The following PLXDC2 variants were observed in gnomAD, a reference collection of about 807,000 sequenced individuals.
PLXDC2 encodes the protein plexin domain-containing protein 2.
A neutral mutation model predicts 68.9 loss-of-function variants in PLXDC2; 40 were observed. That is an observed-to-expected ratio of 0.58 (90% CI 0.45 to 0.76). The LOEUF (loss-of-function observed/expected upper bound fraction) is 0.76. Ranked by LOEUF, PLXDC2 falls within the 30% of genes least tolerant of loss-of-function variation. The pLI is 0.00. For missense variants in PLXDC2, 644 were observed against 661.9 expected (o/e 0.97, Z 0.30); for synonymous variants, 243 against 234.2 (o/e 1.04, Z -0.34).
chr10:19,822,173 CTATATATGCACTATATAG>C (rs1469050074), intron 1 of PLXDC2, among the ~76,000 whole-genome samples: 4 of 149,482 alleles, frequency 2.7e-5, no homozygotes, highest in Non-Finnish European at 4.4e-5. Flanking sequence ...TGTATATACA[CTATATATGCACTATATAG>C]TATATATGCA....
chr10:20,214,301 G>A (rs556256233), intron 10 of PLXDC2, among the ~76,000 whole-genome samples: 19 of 151,088 alleles, frequency 1.3e-4, no homozygotes, highest in African/African-American at 2.9e-4. Flanking sequence ...TTCTTTTTTA[G>A]TGTATATTTG....
Position 19,981,193 on chromosome 10 carries a change from A to G in PLXDC2, c.113-20582A>G, listed in dbSNP as rs181026497. On this transcript the variant is annotated intron_variant, in intron 1 of 13. Coordinates refer to ENST00000377252, the MANE Select transcript of PLXDC2 (RefSeq NM_032812.9). ...GATAGTTGAATCTTCAAGAATTTCA[A>G]TAGTTGCTCTCTGTTTCTGTGTTTT... Among the ~76,000 whole-genome samples the G allele has an allele frequency of 2.4e-3, 368 of 152,336 alleles. 1 individual carries two copies. The highest frequency in any genetic ancestry group is 8.0e-3 in the African/African-American group (333 of 41,582).
intron 4 of PLXDC2, among the ~76,000 whole-genome samples, chr10:20,107,685 G>A (rs896953312): frequency 3.3e-5 from 5 of 152,084 alleles, no homozygotes; most frequent in African/African-American, 9.7e-5. Context: ...CCTGACATAC[G>A]AATGTCAATG....
rs115462365 is a variant in PLXDC2 at position 19,863,709 on chromosome 10, C to G, written c.112+46518C>G. On this transcript the variant is annotated intron_variant, in intron 1 of 13. Coordinates refer to ENST00000377252, the MANE Select transcript of PLXDC2 (RefSeq NM_032812.9). ...TTGTAGCTTGTTTATTAAAAATTAA[C>G]AAGCATTTTTTTATGTCAGTTCAAA... 5.0e-3 allele frequency among the ~76,000 whole-genome samples: 757 copies of G among 152,036 alleles called. 8 individuals are homozygous for G. Among genetic ancestry groups the G allele is most frequent in the African/African-American group, 0.016 (666 of 41,330 alleles).
Position 20,281,557 on chromosome 10 carries a change from C to T in PLXDC2, c.*1738C>T, listed in dbSNP as rs1836082115. The T allele has an allele frequency of 6.6e-6, 1 of 152,084 alleles. No individual in the cohort carries two copies. The highest frequency in any genetic ancestry group is 1.5e-5 in the Non-Finnish European group (1 of 68,028). 9.4% of individuals were successfully genotyped at this position (152,084 alleles called of 1,614,324 possible). On this transcript the variant is annotated 3_prime_UTR_variant, in exon 14 of 14. Coordinates refer to ENST00000377252, the MANE Select transcript of PLXDC2 (RefSeq NM_032812.9). The stretch of plus-strand genomic sequence containing the variant: ...ATACTTTATCATCACAAGTGTCTGA[C>T]GTGAACGAATGCCATTTTCTATTCC...
intron 1 of PLXDC2, among the ~76,000 whole-genome samples, chr10:19,971,909 C>T (rs1204854741): frequency 6.6e-6 from 1 of 151,996 alleles, no homozygotes; most frequent in Non-Finnish European, 1.5e-5. Context: ...TGTGTAATCT[C>T]GCTGGGGATC....
intron 7 of PLXDC2, among the ~76,000 whole-genome samples, chr10:20,172,305 T>A (rs1230118225): frequency 1.3e-5 from 2 of 148,980 alleles, no homozygotes; most frequent in African/African-American, 5.0e-5. Flanking sequence ...TTCCCATAAG[T>A]CTCAGGAGCA....
intron 6 of PLXDC2, among the ~76,000 whole-genome samples, chr10:20,153,579 C>T (rs79089780): frequency 6.6e-6 from 1 of 152,254 alleles, no homozygotes; most frequent in South Asian, 2.1e-4. Context: ...GTCACATTCA[C>T]ATTTAACAAT....
intron 1 of PLXDC2, among the ~76,000 whole-genome samples, chr10:19,911,245 G>T (rs572818203): frequency 6.6e-6 from 1 of 151,950 alleles, no homozygotes; most frequent in East Asian, 1.9e-4. Context: ...ATCATTGAGC[G>T]TGTTGATCAT....
chr10:20,097,592 T>C (rs1833368108), intron 4 of PLXDC2, among the ~76,000 whole-genome samples: 1 of 152,078 alleles, frequency 6.6e-6, no homozygotes, highest in Non-Finnish European at 1.5e-5. Context: ...AATTTTAAAG[T>C]TGTGATTGAA....
At chr10:20,274,868 C>CAAA (rs58738641) in intron 13 of PLXDC2, among the ~76,000 whole-genome samples, 3 of 109,590 alleles carry the variant, frequency 2.7e-5, no homozygotes, top group African/African-American at 9.6e-5. Context: ...ATCAGAATTT[C>CAAA]AAAAAAAAAA....
At chr10:20,231,625 A>C (rs1835365461) in intron 12 of PLXDC2, among the ~76,000 whole-genome samples, 2 of 150,972 alleles carry the variant, frequency 1.3e-5, no homozygotes, top group East Asian at 1.9e-4. Context: ...CAAATAACAG[A>C]GAATATTAAC....
chr10:20,064,154 A>G (rs1313956311), intron 3 of PLXDC2, among the ~76,000 whole-genome samples: 1 of 149,912 alleles, frequency 6.7e-6, no homozygotes, highest in Non-Finnish European at 1.5e-5. Flanking sequence ...TTCTTAAAGG[A>G]TGAAATCCAA....
chr10:20,190,294 C>T (rs983166691), intron 9 of PLXDC2, among the ~76,000 whole-genome samples: 26 of 151,790 alleles, frequency 1.7e-4, no homozygotes, highest in East Asian at 3.9e-4. Context: ...CTTTAGCTTG[C>T]TTGCACTAAT....
At chr10:19,983,775 C>T (rs963639385) in intron 1 of PLXDC2, among the ~76,000 whole-genome samples, 11 of 152,224 alleles carry the variant, frequency 7.2e-5, no homozygotes, top group East Asian at 1.9e-4. Context: ...CCAGGAGGCT[C>T]GTCCGAAATG....
At chr10:20,236,312 G>T (rs1835431654) in intron 12 of PLXDC2, among the ~76,000 whole-genome samples, 1 of 151,990 alleles carries the variant, frequency 6.6e-6, no homozygotes, top group African/African-American at 2.4e-5. Context: ...AGGAATGGTG[G>T]TGTGTGCATA....
Position 19,827,800 on chromosome 10 carries a change from C to T in PLXDC2, c.112+10609C>T, listed in dbSNP as rs576299540. Among the ~76,000 whole-genome samples, 136 of 152,290 alleles carry T rather than the reference C, an allele frequency of 8.9e-4. 1 individual carries two copies. The highest frequency in any genetic ancestry group is 3.2e-3 in the African/African-American group (133 of 41,560). On this transcript the variant is annotated intron_variant, in intron 1 of 13. Coordinates refer to ENST00000377252, the MANE Select transcript of PLXDC2 (RefSeq NM_032812.9). ...TCTCCAACTCCTGACCTCAAGTGAT[C>T]CACCCATTTTGGCCTCCCAAAGTGC...
At chr10:20,072,413 G>GA (rs1217270302) in intron 4 of PLXDC2, among the ~76,000 whole-genome samples, 1 of 75,196 alleles carries the variant, frequency 1.3e-5, no homozygotes, top group East Asian at 6.6e-4. Flanking sequence ...GAAAGAAAGA[G>GA]GAAAGAAAGA....
chr10:19,885,959 C>T (rs1837838963), intron 1 of PLXDC2, among the ~76,000 whole-genome samples: 1 of 152,046 alleles, frequency 6.6e-6, no homozygotes. Flanking sequence ...TGGCCATTTT[C>T]ATGATATTGA....
Sources: allele counts gnomAD v4.1 joint callset (sites outside exome capture counted in the v4.1 genomes callset), GRCh38; gene constraint gnomAD v4.1.1; transcripts MANE v1.5; gene names NCBI Gene and HGNC (gene_info 2026-07-23, HGNC 2026-07-21).